The following PGBD2 variants were observed in gnomAD, a reference collection of about 807,000 sequenced individuals.
The protein encoded by PGBD2 is piggyBac transposable element derived 2.
A neutral mutation model predicts 8.1 loss-of-function variants in PGBD2; 6 were observed. The observed-to-expected ratio is 0.74, with a 90% CI of 0.40 to 1.46. The LOEUF (loss-of-function observed/expected upper bound fraction) is 1.46, where lower values mean the gene tolerates loss of function less well. Among genes scored for constraint, PGBD2 ranks in the 40% most tolerant of loss-of-function variants. PGBD2 has a pLI of 0.02. For synonymous variants in PGBD2, 318 were observed against 272.2 expected (o/e 1.17, Z -1.66); for missense variants, 802 against 739.0 (o/e 1.09, Z -0.99).
downstream of PGBD2, among the ~76,000 whole-genome samples, chr1:248,924,576 A>T (rs1177418056): frequency 6.6e-6 from 1 of 152,168 alleles, no homozygotes; most frequent in Non-Finnish European, 1.5e-5. Context: ...TTGTCAGAAT[A>T]CTCTATTTTG....
chr1:248,924,078 G>C (rs1226882921), downstream of PGBD2, among the ~76,000 whole-genome samples: 1 of 152,204 alleles, frequency 6.6e-6, no homozygotes, highest in East Asian at 1.9e-4. Context: ...TTCCCCAATG[G>C]GACGGCGTGT....
At chr1:248,913,071 G>A (rs1371883169) in intron 1 of PGBD2, among the ~76,000 whole-genome samples, 4 of 152,000 alleles carry the variant, frequency 2.6e-5, no homozygotes, top group Non-Finnish European at 5.9e-5. Context: ...CAAAGTGCTG[G>A]GATTACAGGT....
chr1:248,876,214 G>A, the PGBD2 span, among the ~76,000 whole-genome samples: 11 of 152,126 alleles, frequency 7.2e-5, no homozygotes, highest in Admixed American at 4.6e-4. Flanking sequence ...CTCCACATTG[G>A]CCAGGCTGTT....
At position 248,910,458 on chromosome 1, in the gene PGBD2, T is replaced by C. The variant is rs146394027; in HGVS notation, c.-47-3358T>C. Among the ~76,000 whole-genome samples the C allele has an allele frequency of 9.7e-3, 1,482 of 152,310 alleles. 30 individuals carry two copies. Among genetic ancestry groups the C allele is most frequent in the African/African-American group, 0.034 (1,413 of 41,556 alleles). On this transcript the variant is annotated intron_variant, in intron 1 of 2. Transcript: ENST00000329291. ...CACAGTGCAGTGAGGGTAGGTACCA[T>C]GATGATCCCATTTTACAGGTGAAAG...
chr1:248,928,002 C>G, the PGBD2 span, among the ~76,000 whole-genome samples: 1 of 152,120 alleles, frequency 6.6e-6, no homozygotes, highest in African/African-American at 2.4e-5. Flanking sequence ...TCTTGTAGCC[C>G]CTTCCTGGAA....
At chr1:248,907,670 G>A (rs971832117) in intron 1 of PGBD2, among the ~76,000 whole-genome samples, 1 of 152,174 alleles carries the variant, frequency 6.6e-6, no homozygotes, top group Non-Finnish European at 1.5e-5. Context: ...CATACTGCTT[G>A]TAAACATTTT....
At chr1:248,915,911 C>A (rs752621437) in intron 2 of PGBD2, among the ~76,000 whole-genome samples, 1 of 152,130 alleles carries the variant, frequency 6.6e-6, no homozygotes, top group Non-Finnish European at 1.5e-5. Flanking sequence ...CTCCTAGGGC[C>A]ATTGAGTCTG....
At chr1:248,873,751 A>G in the PGBD2 span, among the ~76,000 whole-genome samples, 1 of 152,150 alleles carries the variant, frequency 6.6e-6, no homozygotes, top group African/African-American at 2.4e-5. Context: ...AAACGTCGCG[A>G]CCAGTCAGTA....
At chr1:248,885,101 G>T in the PGBD2 span, among the ~76,000 whole-genome samples, 7 of 151,984 alleles carry the variant, frequency 4.6e-5, no homozygotes, top group African/African-American at 1.7e-4. Flanking sequence ...GCCACAAGGG[G>T]TCTCTTCTGT....
chr1:248,892,673 G>A, the PGBD2 span, among the ~76,000 whole-genome samples: 1 of 152,164 alleles, frequency 6.6e-6, no homozygotes, highest in South Asian at 2.1e-4. Flanking sequence ...TGGCTATTAA[G>A]AAGCTACCTC....
the PGBD2 span, among the ~76,000 whole-genome samples, chr1:248,926,319 A>G: frequency 6.6e-6 from 1 of 152,226 alleles, no homozygotes. Context: ...TTAATAAATT[A>G]TATTACACTA....
the PGBD2 span, among the ~76,000 whole-genome samples, chr1:248,894,486 A>G: frequency 6.6e-6 from 1 of 152,098 alleles, no homozygotes; most frequent in Admixed American, 6.6e-5. Context: ...TTGGATGTGG[A>G]TATACAATTT....
the PGBD2 span, among the ~76,000 whole-genome samples, chr1:248,881,102 T>C: frequency 6.6e-6 from 1 of 152,020 alleles, no homozygotes; most frequent in Admixed American, 6.6e-5. Context: ...AGCCCAAACA[T>C]CCCGTGGAGT....
the PGBD2 span, among the ~76,000 whole-genome samples, chr1:248,887,338 A>G: frequency 1.3e-5 from 2 of 152,070 alleles, no homozygotes; most frequent in African/African-American, 4.8e-5. Context: ...ATGGTTCCTC[A>G]GTCTTTCCTT....
chr1:248,898,045 C>G, the PGBD2 span, among the ~76,000 whole-genome samples: 1 of 152,216 alleles, frequency 6.6e-6, no homozygotes, highest in Non-Finnish European at 1.5e-5. Flanking sequence ...GGAATTTCAG[C>G]AACTCCAGCC....
chr1:248,923,310 AT>A (rs1662324050), downstream of PGBD2, among the ~76,000 whole-genome samples: 1 of 152,120 alleles, frequency 6.6e-6, no homozygotes, highest in Admixed American at 6.6e-5. Flanking sequence ...GATATCCCCT[AT>A]ATGCTTTCTT....
At chr1:248,873,623 G>T in the PGBD2 span, among the ~76,000 whole-genome samples, 1 of 152,202 alleles carries the variant, frequency 6.6e-6, no homozygotes, top group Admixed American at 6.5e-5. Context: ...GCTGGCACAC[G>T]GTCACTAACC....
chr1:248,896,876 G>A, the PGBD2 span, among the ~76,000 whole-genome samples: 1 of 152,194 alleles, frequency 6.6e-6, no homozygotes, highest in African/African-American at 2.4e-5. Flanking sequence ...GAGGCCGTGA[G>A]GGATTGCACT....
chr1:248,916,508 G>A (rs6704311), intron 2 of PGBD2, 94 bp from the exon 3 acceptor site: 85,349 of 1,020,608 alleles, frequency 0.084, 9,668 homozygotes, highest in African/African-American at 0.48. Flanking sequence ...CATTCAAGTG[G>A]AAGTGTTTTA....
Sources: gnomAD v4.1 joint callset for allele counts (sites outside exome capture counted in the v4.1 genomes callset) on GRCh38, gnomAD v4.1.1 for gene constraint, MANE v1.5 for transcripts, NCBI Gene and HGNC (gene_info 2026-07-23, HGNC 2026-07-21) for gene names.